HERC3: variants seen among roughly 807,000 people sequenced by gnomAD.
HERC3 encodes probable E3 ubiquitin-protein ligase HERC3.
A neutral mutation model predicts 129.9 loss-of-function variants in HERC3; 58 were observed. The ratio of observed to expected loss-of-function variants is 0.45; its 90% CI spans 0.36 to 0.56. The LOEUF is 0.56. Among genes scored for constraint, HERC3 ranks in the 20% least tolerant of loss-of-function variants. The pLI is 0.00. For synonymous variants in HERC3, 430 were observed against 451.0 expected, an observed-to-expected ratio of 0.95 and a Z score of 0.59; for missense variants, 835 against 1,244.2, an observed-to-expected ratio of 0.67 and a Z score of 4.95.
chr4:88,650,761 A>C (rs565735915), intron 4 of HERC3, among the ~76,000 whole-genome samples: 4 of 152,334 alleles, frequency 2.6e-5, no homozygotes, highest in Admixed American at 6.5e-5. Flanking sequence ...CAAAGATGTG[A>C]GCTATTAATG....
upstream of HERC3, among the ~76,000 whole-genome samples, chr4:88,590,585 CA>C (rs1721648439): frequency 1.3e-5 from 2 of 152,052 alleles, no homozygotes; most frequent in African/African-American, 4.8e-5. Context: ...AAAACAACAA[CA>C]AAAAAAGAAA....
At chr4:88,544,004 G>A in the HERC3 span, among the ~76,000 whole-genome samples, 1 of 152,128 alleles carries the variant, frequency 6.6e-6, no homozygotes, top group African/African-American at 2.4e-5. Flanking sequence ...CAGGACATAG[G>A]CATGGGCAAA....
chr4:88,576,079 C>T, the HERC3 span, among the ~76,000 whole-genome samples: 3 of 152,286 alleles, frequency 2.0e-5, no homozygotes, highest in South Asian at 4.1e-4. Context: ...CTTTGATTTT[C>T]CCACTCCCAA....
the HERC3 span, among the ~76,000 whole-genome samples, chr4:88,558,967 C>CAAAA: frequency 4.1e-3 from 454 of 111,850 alleles, 3 homozygotes; most frequent in African/African-American, 0.012. Context: ...GACTCTGTCT[C>CAAAA]AAAAAAAAAA....
intron 25 of HERC3, among the ~76,000 whole-genome samples, chr4:88,705,313 A>G (rs998733041): frequency 2.0e-5 from 3 of 152,242 alleles, no homozygotes; most frequent in African/African-American, 7.2e-5. Context: ...GGAACTGGGA[A>G]GGTGTGATTT....
chr4:88,685,395 C>T (rs1419667595), intron 21 of HERC3, among the ~76,000 whole-genome samples: 3 of 152,216 alleles, frequency 2.0e-5, no homozygotes, highest in East Asian at 3.8e-4. Context: ...GGCACATACA[C>T]ACCATGGAAT....
At chr4:88,575,326 T>G in the HERC3 span, among the ~76,000 whole-genome samples, 1 of 152,204 alleles carries the variant, frequency 6.6e-6, no homozygotes, top group Non-Finnish European at 1.5e-5. Context: ...AAAACCGTGT[T>G]CCCTAAGAGT....
intron 21 of HERC3, among the ~76,000 whole-genome samples, chr4:88,684,539 A>G (rs563486881): frequency 1.8e-4 from 27 of 152,282 alleles, no homozygotes; most frequent in Middle Eastern, 3.4e-3. Flanking sequence ...AATCTAGGCA[A>G]TACCATTCAG....
the HERC3 span, among the ~76,000 whole-genome samples, chr4:88,572,946 T>C: frequency 2.6e-5 from 4 of 152,306 alleles, no homozygotes; most frequent in East Asian, 7.7e-4. Context: ...GATTCTCTTA[T>C]CTGAAAAGTT....
the HERC3 span, among the ~76,000 whole-genome samples, chr4:88,581,594 A>G: frequency 7.2e-5 from 11 of 151,786 alleles, no homozygotes; most frequent in South Asian, 2.3e-3. Context: ...GTGTGTGCCA[A>G]TGTGCCCGGC....
chr4:88,684,019 C>T (rs1733110966), intron 21 of HERC3, among the ~76,000 whole-genome samples: 1 of 152,122 alleles, frequency 6.6e-6, no homozygotes, highest in Admixed American at 6.5e-5. Flanking sequence ...TAGGAAGAAT[C>T]AATATTGTGA....
chr4:88,580,790 A>G, the HERC3 span, among the ~76,000 whole-genome samples: 2 of 152,170 alleles, frequency 1.3e-5, no homozygotes, highest in African/African-American at 2.4e-5. Context: ...GCCTTATTGC[A>G]TTTGGGTATG....
intron 3 of HERC3, among the ~76,000 whole-genome samples, chr4:88,627,904 C>CAA (rs60358778): frequency 5.5e-4 from 44 of 80,596 alleles, no homozygotes; most frequent in Non-Finnish European, 9.6e-4. Context: ...AACTCCGTCT[C>CAA]AAAAAAAAAA....
At chr4:88,667,525 T>G in intron 13 of HERC3, 37 bp downstream of exon 13, 1 of 1,145,220 alleles carries the variant, frequency 8.7e-7, no homozygotes, top group Non-Finnish European at 1.3e-6. Context: ...TTCTTAAAAA[T>G]GCATTTTTGT....
chr4:88,535,317 T>C, the HERC3 span, among the ~76,000 whole-genome samples: 2 of 152,216 alleles, frequency 1.3e-5, no homozygotes, highest in African/African-American at 4.8e-5. Context: ...TTCATTGCAA[T>C]GGAAAATACG....
At chr4:88,638,604 G>A (rs997223483) in intron 3 of HERC3, among the ~76,000 whole-genome samples, 20 of 152,076 alleles carry the variant, frequency 1.3e-4, no homozygotes, top group African/African-American at 3.1e-4. Flanking sequence ...AATAATAGGA[G>A]TTATTTATGA....
chr4:88,536,199 T>C, the HERC3 span, among the ~76,000 whole-genome samples: 2 of 152,166 alleles, frequency 1.3e-5, no homozygotes, highest in Non-Finnish European at 2.9e-5. Context: ...CCACTTCTCA[T>C]CTTGAATTCA....
At chr4:88,582,225 T>A in the HERC3 span, among the ~76,000 whole-genome samples, 1 of 151,846 alleles carries the variant, frequency 6.6e-6, no homozygotes, top group East Asian at 2.0e-4. Flanking sequence ...ATTGAAGCTT[T>A]AAAAAAAATT....
At chr4:88,668,300 A>C (rs569549619) in intron 14 of HERC3, among the ~76,000 whole-genome samples, 47 of 152,340 alleles carry the variant, frequency 3.1e-4, no homozygotes, top group African/African-American at 1.1e-3. Flanking sequence ...CTCATGCCAG[A>C]ATAATCTTGA....
Sources: gnomAD v4.1 joint callset for allele counts (sites outside exome capture counted in the v4.1 genomes callset) on GRCh38, gnomAD v4.1.1 for gene constraint, MANE v1.5 for transcripts, NCBI Gene and HGNC (gene_info 2026-07-23, HGNC 2026-07-21) for gene names.